The following PTPRN2 variants were observed in gnomAD, a reference collection of about 807,000 sequenced individuals.
PTPRN2 encodes receptor-type tyrosine-protein phosphatase N2.
Under a neutral mutation model 118.8 loss-of-function variants are expected in PTPRN2, and 74 were observed. The observed-to-expected ratio is 0.62, with a 90% CI of 0.52 to 0.76. The LOEUF (loss-of-function observed/expected upper bound fraction) is 0.76, where lower values mean the gene tolerates loss of function less well. Ranked by LOEUF, PTPRN2 falls within the 30% of genes least tolerant of loss-of-function variation. PTPRN2 has a pLI of 0.00. For synonymous variants in PTPRN2, 641 were observed against 608.0 expected (o/e 1.05, Z -0.80); for missense variants, 1,481 against 1,394.4 (o/e 1.06, Z -0.99).
chr7:157,675,112 G>T (rs569039407), intron 13 of PTPRN2, among the ~76,000 whole-genome samples: 9 of 152,188 alleles, frequency 5.9e-5, no homozygotes, highest in Non-Finnish European at 1.3e-4. Context: ...TGAAATCCCA[G>T]TTTAATCCAC....
intron 3 of PTPRN2, among the ~76,000 whole-genome samples, chr7:158,263,424 G>A (rs1563056639): frequency 6.6e-6 from 1 of 151,482 alleles, no homozygotes; most frequent in African/African-American, 2.4e-5. Context: ...ACAAACACAT[G>A]CACACACACA....
intron 1 of PTPRN2, among the ~76,000 whole-genome samples, chr7:158,497,346 C>T (rs556456044): frequency 1.3e-5 from 2 of 149,690 alleles, no homozygotes; most frequent in Admixed American, 6.6e-5. Context: ...TTGCTCAGTC[C>T]CCTTCACCTG....
chr7:157,725,311 GTGGCC>G (rs1799489379), intron 12 of PTPRN2, among the ~76,000 whole-genome samples: 15 of 106,002 alleles, frequency 1.4e-4, no homozygotes, highest in African/African-American at 7.3e-4. Flanking sequence ...CCAGAGGAGT[GTGGCC>G]AGACCCTCGC....
chr7:157,564,119 TA>T (rs1799361906), intron 21 of PTPRN2, among the ~76,000 whole-genome samples: 1 of 111,008 alleles, frequency 9.0e-6, no homozygotes, highest in African/African-American at 3.5e-5. Flanking sequence ...GGTATGATAC[TA>T]AAAGCACAAG....
In PTPRN2 at chr7:158,094,614, G is replaced by A. The variant is rs577266307; in HGVS notation, c.1644-13237C>T. ...GAGCCACTGCTCCCGGCCCCCATCT[G>A]TGCTTTCTATTGCAGCTTCGCTCTC... is the stretch of plus-strand genomic sequence containing the variant. On this transcript the variant is annotated intron_variant, in intron 10 of 22. Transcript: ENST00000389418. Among the ~76,000 whole-genome samples, 60 of 152,278 alleles carry A rather than the reference G, an allele frequency of 3.9e-4. 1 individual carries two copies. The South Asian group carries it at 0.011, about 29-fold the overall frequency.
intron 11 of PTPRN2, among the ~76,000 whole-genome samples, chr7:158,073,851 G>A (rs576683426): frequency 3.1e-4 from 47 of 152,302 alleles, no homozygotes; most frequent in African/African-American, 1.0e-3. Context: ...CAGCAAAACA[G>A]AGAGCCAAGT....
chr7:158,071,423 G>GCTCGTGGTT (rs1811591137), intron 11 of PTPRN2, among the ~76,000 whole-genome samples: 1 of 114,672 alleles, frequency 8.7e-6, no homozygotes, highest in Non-Finnish European at 1.9e-5. Context: ...TCCTGGTGGT[G>GCTCGTGGTT]GAGGTGCTCG....
In PTPRN2 at chr7:157,578,048, T is replaced by C. The variant is rs1340454668; in HGVS notation, c.2589A>G (p.Glu863=). 2 of 1,612,856 alleles carry C rather than the reference T, an allele frequency of 1.2e-6. No homozygotes were observed. The highest frequency in any genetic ancestry group is 2.2e-5 in the East Asian group (1 of 44,860). The change falls in exon 18 of 23, where the codon GAA becomes GAG. Residue 863 remains glutamate, a synonymous_variant. Transcript: ENST00000389418. ...VRQCYHYWPD[E]GSNLYHIYEV... ...CATAGATGTGGTAGAGATTGGAGCC[T>C]TCATCCGGCCAGTAGTGGTAGCACT...
chr7:158,229,947 A>T (rs541858047), intron 3 of PTPRN2, among the ~76,000 whole-genome samples: 1 of 152,048 alleles, frequency 6.6e-6, no homozygotes, highest in Non-Finnish European at 1.5e-5. Flanking sequence ...GCATATAATA[A>T]TCAAACTCTC....
At chr7:158,117,415 C>T (rs1017517907) in intron 9 of PTPRN2, among the ~76,000 whole-genome samples, 4 of 151,964 alleles carry the variant, frequency 2.6e-5, no homozygotes, top group African/African-American at 9.7e-5. Context: ...CCCTAAGGGA[C>T]ATGTGGGATA....
rs73729793 is a variant in PTPRN2 at position 158,394,171 on chromosome 7, A to G, written c.164-77239T>C. On this transcript the variant is annotated intron_variant, in intron 2 of 22. Coordinates refer to ENST00000389418, the MANE Select transcript of PTPRN2 (RefSeq NM_002847.5). ...CCCTCTGTCCCCGACGGACACCTGG[A>G]CCCCCTCTGTCCCCCACGGATGCGT... is the stretch of plus-strand genomic sequence containing the variant. 6.1e-3 allele frequency among the ~76,000 whole-genome samples: 794 copies of G among 129,564 alleles called. 14 individuals are homozygous for G. The highest frequency in any genetic ancestry group is 0.021 in the African/African-American group (716 of 33,502). The allele number at this position is 129,564 out of a possible 152,430, so 85.0% of individuals were successfully genotyped here.
rs1300048290 is a variant in PTPRN2 at position 158,071,001 on chromosome 7, A to G, written c.1723+10297T>C. On this transcript the variant is annotated intron_variant, in intron 11 of 22. Coordinates refer to ENST00000389418, the MANE Select transcript of PTPRN2 (RefSeq NM_002847.5). ...GGTGCCCGTGGTGGTGGAGGTGCTC[A>G]TGGTGGTGGAGGTGCTCGTGGTGGA... is the stretch of plus-strand genomic sequence containing the variant. Among the ~76,000 whole-genome samples, 366 of 42,678 alleles carry G rather than the reference A, an allele frequency of 8.6e-3. 3 individuals carry two copies. The highest frequency in any genetic ancestry group is 9.3e-3 in the Non-Finnish European group (226 of 24,194). 28.0% of individuals were successfully genotyped at this position (42,678 alleles called of 152,430 possible). A position where few individuals can be genotyped will look rare whatever the true frequency, so the allele number is the denominator to read the frequency against.
chr7:157,707,395 C>T (rs1798388676), intron 12 of PTPRN2, among the ~76,000 whole-genome samples: 2 of 152,128 alleles, frequency 1.3e-5, no homozygotes, highest in African/African-American at 4.8e-5. Context: ...CCCCCCCACA[C>T]ACGTGGAGAT....
At chr7:158,168,040 G>A (rs143307606) in intron 5 of PTPRN2, among the ~76,000 whole-genome samples, 3 of 152,246 alleles carry the variant, frequency 2.0e-5, no homozygotes, top group Admixed American at 1.3e-4. Context: ...ATGGTAACTC[G>A]ACATTTAACT....
In PTPRN2 at chr7:158,058,360, G is replaced by A. The variant is rs866972631; in HGVS notation, c.1723+22938C>T. On this transcript the variant is annotated intron_variant, in intron 11 of 22. Coordinates refer to ENST00000389418, the MANE Select transcript of PTPRN2 (RefSeq NM_002847.5). ...CTACAGCCACGCTCCATCTGCCCAC[G>A]GTGACACATCACTGCAGCCACACTC... is the stretch of plus-strand genomic sequence containing the variant. 8.7e-5 allele frequency among the ~76,000 whole-genome samples: 12 copies of A among 137,898 alleles called. No individual in the cohort carries two copies. The East Asian group carries it at 1.3e-3, about 15-fold the overall frequency. The allele number at this position is 137,898 out of a possible 152,430, so 90.5% of individuals were successfully genotyped here.
intron 5 of PTPRN2, among the ~76,000 whole-genome samples, chr7:158,185,738 C>T (rs1004007424): frequency 6.6e-6 from 1 of 152,182 alleles, no homozygotes; most frequent in Non-Finnish European, 1.5e-5. Context: ...TTCGCCCAGG[C>T]TTGGATCTGG....
At chr7:157,563,758 A>C (rs1469242836) in intron 21 of PTPRN2, among the ~76,000 whole-genome samples, 1 of 135,080 alleles carries the variant, frequency 7.4e-6, no homozygotes. Context: ...CACCACACAC[A>C]GCAGATCAGG....
chr7:157,633,435 G>A lies in PTPRN2; in HGVS notation c.2197-11926C>T, dbSNP rs542987451. Among the ~76,000 whole-genome samples, 4 of 152,338 alleles carry A rather than the reference G, an allele frequency of 2.6e-5. No individual in the cohort carries two copies. In the South Asian group the frequency reaches 6.2e-4, roughly 24 times the overall value. On this transcript the variant is annotated intron_variant, in intron 14 of 22. Coordinates refer to ENST00000389418, the MANE Select transcript of PTPRN2 (RefSeq NM_002847.5). ...TGGGATTATAGGCATGAGCTACAAC[G>A]CCTGGCCTCATTAATTTCTTTAGCT...
intron 11 of PTPRN2, among the ~76,000 whole-genome samples, chr7:158,024,390 G>A (rs576742957): frequency 3.3e-5 from 5 of 152,240 alleles, no homozygotes; most frequent in South Asian, 2.1e-4. Context: ...TGAAATAATC[G>A]CTCTGCAGCC....
Sources: gnomAD v4.1 joint callset for allele counts (sites outside exome capture counted in the v4.1 genomes callset) on GRCh38, gnomAD v4.1.1 for gene constraint, MANE v1.5 for transcripts, NCBI Gene and HGNC (gene_info 2026-07-23, HGNC 2026-07-21) for gene names.